Variants in PRKG1 observed in about 807,000 individuals in gnomAD.
The protein encoded by PRKG1 is protein kinase cGMP-dependent 1.
Under a neutral mutation model 88.1 loss-of-function variants are expected in PRKG1, and 35 were observed. That is an observed-to-expected ratio of 0.40 (90% confidence interval 0.30 to 0.53). The LOEUF is 0.53. Ranked by LOEUF, PRKG1 falls within the 20% of genes least tolerant of loss-of-function variation. The pLI, the probability that PRKG1 is intolerant of heterozygous loss-of-function variation, is 0.59. For missense variants in PRKG1, 540 were observed against 839.8 expected, an observed-to-expected ratio of 0.64 and a Z score of 4.41; for synonymous variants, 303 against 292.5, an observed-to-expected ratio of 1.04 and a Z score of -0.37.
chr10:51,887,978 A>C (rs1040847559), intron 4 of PRKG1, among the ~76,000 whole-genome samples: 8 of 152,240 alleles, frequency 5.3e-5, no homozygotes, highest in Non-Finnish European at 1.2e-4. Context: ...CCTACAGTTA[A>C]TAATACAGTA....
At chr10:51,979,421 T>TTG (rs1843942309) in intron 5 of PRKG1, among the ~76,000 whole-genome samples, 1 of 136,070 alleles carries the variant, frequency 7.3e-6, no homozygotes, top group Non-Finnish European at 1.6e-5. Flanking sequence ...TTTTTTTTTT[T>TTG]TTTTTTTTTT....
chr10:51,681,736 C>A (rs1397194533), intron 3 of PRKG1, among the ~76,000 whole-genome samples: 1 of 151,920 alleles, frequency 6.6e-6, no homozygotes, highest in Non-Finnish European at 1.5e-5. Flanking sequence ...AAGTAAGGCT[C>A]AGAAATACTA....
rs150057037 is a variant in PRKG1, at chr10:51,968,322, G to T, written c.762+60752G>T. On this transcript the variant is annotated intron_variant, in intron 5 of 17. Transcript: ENST00000373980. The stretch of plus-strand genomic sequence containing the variant: ...AGATAAACTCTAGGAGTGGGTGAAT[G>T]GTTGGCTCCAGGCTATGTAGGCACA... Among the ~76,000 whole-genome samples the T allele has an allele frequency of 5.1e-3, 774 of 152,196 alleles. 9 individuals carry two copies. Among genetic ancestry groups the T allele is most frequent in the South Asian group, 0.044 (210 of 4,818 alleles).
intron 4 of PRKG1, among the ~76,000 whole-genome samples, chr10:51,902,059 A>G (rs2132934669): frequency 6.6e-6 from 1 of 152,250 alleles, no homozygotes; most frequent in East Asian, 1.9e-4. Context: ...TCACCTTTTC[A>G]AAGCGATAAT....
chr10:51,080,730 G>T (rs1202379846), intron 1 of PRKG1, among the ~76,000 whole-genome samples: 1 of 152,226 alleles, frequency 6.6e-6, no homozygotes, highest in Non-Finnish European at 1.5e-5. Flanking sequence ...GAATTGTTGA[G>T]CTGGTACTGT....
chr10:51,635,859 G>A (rs980181705), intron 3 of PRKG1, among the ~76,000 whole-genome samples: 1 of 152,074 alleles, frequency 6.6e-6, no homozygotes, highest in Non-Finnish European at 1.5e-5. Context: ...AATAGTCCAA[G>A]ATCACAATAA....
At position 51,010,724 on chromosome 10, in the gene PRKG1, C is replaced by A. The variant is rs532445072; in HGVS notation, c.266+19080C>A. Among the ~76,000 whole-genome samples, 147 of 152,274 alleles carry A rather than the reference C, an allele frequency of 9.7e-4. 1 individual carries two copies. In the South Asian group the frequency reaches 0.029, roughly 30 times the overall value. ...TAACAACTGAAAACAAATACTAGTA[C>A]TGATGTGTTTTACAGGTTACTCTGG... On this transcript the variant is annotated intron_variant, in intron 1 of 17. Coordinates refer to the PRKG1 transcript ENST00000401604.
intron 2 of PRKG1, among the ~76,000 whole-genome samples, chr10:51,351,821 C>T (rs1017404755): frequency 1.3e-5 from 2 of 152,122 alleles, no homozygotes; most frequent in Non-Finnish European, 2.9e-5. Context: ...TTTGCCCATG[C>T]CTATGTCCTG....
chr10:52,089,957 G>A (rs77418773), intron 7 of PRKG1, among the ~76,000 whole-genome samples: 18,707 of 151,532 alleles, frequency 0.12, 1,508 homozygotes, highest in East Asian at 0.31. Flanking sequence ...TGGAACTACA[G>A]GCATGTGCCA....
intron 2 of PRKG1, among the ~76,000 whole-genome samples, chr10:51,218,494 T>TATAC (rs1234970126): frequency 1.2e-5 from 1 of 81,974 alleles, no homozygotes; most frequent in Non-Finnish European, 2.2e-5. Flanking sequence ...TATCTTCATA[T>TATAC]ATATATATAT....
intron 3 of PRKG1, among the ~76,000 whole-genome samples, chr10:51,659,996 A>G (rs1840255124): frequency 6.6e-6 from 1 of 152,050 alleles, no homozygotes; most frequent in African/African-American, 2.4e-5. Flanking sequence ...TCCCCAGATT[A>G]TTCATATGCA....
At chr10:51,738,465 C>T (rs1455966436) in intron 3 of PRKG1, among the ~76,000 whole-genome samples, 1 of 152,160 alleles carries the variant, frequency 6.6e-6, no homozygotes, top group African/African-American at 2.4e-5. Flanking sequence ...ATAATTCTTC[C>T]TGCATGAAGC....
intron 1 of PRKG1, among the ~76,000 whole-genome samples, chr10:50,995,009 G>T (rs1470562421): frequency 6.6e-6 from 1 of 152,166 alleles, no homozygotes; most frequent in Non-Finnish European, 1.5e-5. Flanking sequence ...TAAAGGACTT[G>T]AGTATCTGTG....
chr10:52,276,544 CT>C (rs1336329996), intron 12 of PRKG1, among the ~76,000 whole-genome samples: 1 of 152,100 alleles, frequency 6.6e-6, no homozygotes, highest in Non-Finnish European at 1.5e-5. Context: ...AAATAACCTT[CT>C]ATTTCTCTCA....
At chr10:51,851,640 A>G (rs758575192) in intron 4 of PRKG1, among the ~76,000 whole-genome samples, 9 of 152,212 alleles carry the variant, frequency 5.9e-5, no homozygotes, top group Non-Finnish European at 5.9e-5. Flanking sequence ...TAAAATGTCA[A>G]GATTTAGAAC....
chr10:52,227,782 C>T (rs571847720), intron 9 of PRKG1, among the ~76,000 whole-genome samples: 1 of 152,284 alleles, frequency 6.6e-6, no homozygotes, highest in African/African-American at 2.4e-5. Flanking sequence ...AACAACAAAA[C>T]ATAGAACTTT....
chr10:51,350,626 G>T (rs1842219379), intron 2 of PRKG1, among the ~76,000 whole-genome samples: 1 of 152,102 alleles, frequency 6.6e-6, no homozygotes, highest in Admixed American at 6.5e-5. Flanking sequence ...CGGAAAGGAA[G>T]AAGTCAAATT....
chr10:51,949,721 C>A (rs183754588), intron 5 of PRKG1, among the ~76,000 whole-genome samples: 1 of 152,240 alleles, frequency 6.6e-6, no homozygotes, highest in African/African-American at 2.4e-5. Context: ...TATAATGTCC[C>A]TTGTTTAATC....
chr10:52,000,018 C>G (rs1487683891), intron 5 of PRKG1, among the ~76,000 whole-genome samples: 3 of 151,904 alleles, frequency 2.0e-5, no homozygotes, highest in East Asian at 1.9e-4. Flanking sequence ...TATTATAACC[C>G]TTTCTGATTT....
Sources: allele counts gnomAD v4.1 joint callset (sites outside exome capture counted in the v4.1 genomes callset), GRCh38; gene constraint gnomAD v4.1.1; transcripts MANE v1.5; gene names NCBI Gene and HGNC (gene_info 2026-07-23, HGNC 2026-07-21).